The following EZR variants were observed in gnomAD, a reference collection of about 807,000 sequenced individuals.
EZR encodes the protein ezrin.
EZR carries 40 observed loss-of-function variants against 74.8 expected under a neutral mutation model. The observed-to-expected ratio is 0.53, with a 90% CI of 0.42 to 0.70. The LOEUF is 0.70. EZR is among the 30% of genes least tolerant of loss of function. The pLI, the probability that EZR is intolerant of heterozygous loss-of-function variation, is 0.00. For synonymous variants in EZR, 341 were observed against 283.3 expected (o/e 1.20, Z -2.05); for missense variants, 678 against 755.8 (o/e 0.90, Z 1.21).
chr6:158,769,164 G>T (rs1791014974), intron 12 of EZR, among the ~76,000 whole-genome samples, 162 bp downstream of exon 12: 1 of 152,180 alleles, frequency 6.6e-6, no homozygotes, highest in Admixed American at 6.5e-5. Flanking sequence ...AGTACAGCTG[G>T]TATTGGCAGA....
intron 6 of EZR, 89 bp downstream of exon 6, chr6:158,784,555 C>A: frequency 1.7e-6 from 2 of 1,164,130 alleles, no homozygotes; most frequent in South Asian, 1.3e-5. Flanking sequence ...TGACACAGAG[C>A]CCTTTAAAGC....
chr6:158,817,407 T>C (rs963083276), intron 2 of EZR, among the ~76,000 whole-genome samples: 2 of 152,198 alleles, frequency 1.3e-5, no homozygotes, highest in Non-Finnish European at 2.9e-5. Context: ...GGCACAGCCC[T>C]TTCATCAGCT....
At chr6:158,798,065 G>C (rs1777109868) in intron 2 of EZR, among the ~76,000 whole-genome samples, 1 of 152,202 alleles carries the variant, frequency 6.6e-6, no homozygotes, top group African/African-American at 2.4e-5. Context: ...ATTTCAGAGA[G>C]ACAGAATTTT....
At chr6:158,804,265 A>T (rs1777280117) in intron 2 of EZR, among the ~76,000 whole-genome samples, 1 of 152,206 alleles carries the variant, frequency 6.6e-6, no homozygotes, top group South Asian at 2.1e-4. Context: ...CTTAGACACC[A>T]CTTTCCCCTA....
At chr6:158,796,395 G>A (rs1310049850) in intron 2 of EZR, among the ~76,000 whole-genome samples, 1 of 152,248 alleles carries the variant, frequency 6.6e-6, no homozygotes, top group Non-Finnish European at 1.5e-5. Context: ...ATTCCCTGGA[G>A]CACCTGAGCC....
chr6:158,785,123 G>A (rs1791537900), intron 5 of EZR, among the ~76,000 whole-genome samples, 186 bp downstream of exon 5: 1 of 152,232 alleles, frequency 6.6e-6, no homozygotes, highest in African/African-American at 2.4e-5. Context: ...GTTTCCATGA[G>A]GAATGGCAGC....
intron 2 of EZR, among the ~76,000 whole-genome samples, chr6:158,811,668 C>A (rs994038922): frequency 6.6e-6 from 1 of 152,016 alleles, no homozygotes; most frequent in Non-Finnish European, 1.5e-5. Flanking sequence ...TGAGACTAGC[C>A]GCCTGGGCCA....
intron 2 of EZR, among the ~76,000 whole-genome samples, chr6:158,807,089 G>C (rs1473826870): frequency 6.6e-6 from 1 of 152,092 alleles, no homozygotes. Flanking sequence ...GAGGCGGGCG[G>C]ATCATGAGGT....
chr6:158,783,526 T>A lies in EZR; in HGVS notation c.692A>T (p.Asp231Val). Residue 231 changes from aspartate to valine, a missense_variant, in exon 7 of 14, where the codon GAT becomes GTT. Asp to Val is a radical substitution (Grantham distance 152, BLOSUM62 -3). This residue lies in a region of EZR where 119 missense variants were observed against 182.3 expected (regional missense o/e 0.65). Transcript: ENST00000367075. ...DALGLNIYEK[D>V]DKLTPKIGFP... ...ACTGTGAACTTCAACTCACTTATCA[T>A]CTTTCTCATAAATATTCAGTCCAAG... The A allele has an allele frequency of 6.2e-7, 1 of 1,612,210 alleles. No individual in the cohort carries two copies. Among genetic ancestry groups the A allele is most frequent in the South Asian group, 1.1e-5 (1 of 90,952 alleles).
chr6:158,807,525 A>C (rs1209984991), intron 2 of EZR, among the ~76,000 whole-genome samples: 3 of 152,202 alleles, frequency 2.0e-5, no homozygotes, highest in Non-Finnish European at 4.4e-5. Context: ...CAAGTTCTTG[A>C]AGAAAGACCA....
At chr6:158,817,736 G>A (rs1023332973) in intron 2 of EZR, among the ~76,000 whole-genome samples, 2 of 152,156 alleles carry the variant, frequency 1.3e-5, no homozygotes, top group African/African-American at 4.8e-5. Context: ...GTCTCCCTGT[G>A]ATTTGGACTT....
At chr6:158,812,255 G>T (rs552877640) in intron 2 of EZR, among the ~76,000 whole-genome samples, 8 of 152,332 alleles carry the variant, frequency 5.3e-5, no homozygotes, top group Non-Finnish European at 1.2e-4. Context: ...CTGTAAGGCG[G>T]CTGGGCATCA....
At position 158,784,637 on chromosome 6, in the gene EZR, C is replaced by T. The variant is rs770478466; in HGVS notation, c.551+7G>A. The T allele has an allele frequency of 6.2e-7, 1 of 1,613,180 alleles. No homozygotes were observed. The highest frequency in any genetic ancestry group is 1.1e-5 in the South Asian group (1 of 91,066). ...GCAAGATCCCAACAGCAGGGCACAG[C>T]ACTCACTTGAGCATCCCACGGTGTT... On this transcript the variant is annotated splice_region_variant and intron_variant, in intron 6 of 13. Coordinates refer to ENST00000367075, the MANE Select transcript of EZR (RefSeq NM_001111077.2).
intron 2 of EZR, among the ~76,000 whole-genome samples, chr6:158,807,840 C>A (rs1465333168): frequency 6.6e-6 from 1 of 152,124 alleles, no homozygotes; most frequent in Admixed American, 6.5e-5. Flanking sequence ...AAACAGAAAG[C>A]CCATTTTATT....
In EZR at chr6:158,769,872, C is replaced by T. The variant is rs571220845; in HGVS notation, c.1163G>A (p.Arg388His). ...TGCAGCCATACGGTCAGCCTCTAGG[C>T]GCTCGGCCTCCTCCTGTGCCCGCTT... The part of the protein sequence containing the change: ...ERKRAQEEAE[R>H]LEADRMAALR... Residue 388 changes from arginine to histidine, a missense_variant, in exon 11 of 14, where the codon CGC (arginine) becomes CAC (histidine). By Grantham distance (29) the Arg-to-His change is conservative. Around this residue, in one of 3 missense-constraint regions of EZR, gnomAD observed 342 missense variants for 341.2 expected, o/e 1.00. Transcript: ENST00000367075. 4.6e-5 allele frequency: 74 copies of T among 1,613,760 alleles called. No individual in the cohort carries two copies. The highest frequency in any genetic ancestry group is 1.7e-4 in the Middle Eastern group (1 of 6,060).
At chr6:158,805,337 G>GAAAAAAAAAAAAAAAAAAAA (rs56269785) in intron 2 of EZR, among the ~76,000 whole-genome samples, 1 of 116,892 alleles carries the variant, frequency 8.6e-6, no homozygotes, top group Non-Finnish European at 1.7e-5. Flanking sequence ...TCCATCTCAG[G>GAAAAAAAAAAAAAAAAAAAA]AAAAAAAAAA....
In EZR at chr6:158,785,854, T is replaced by C. The variant is rs368388005; in HGVS notation, c.193-271A>G. Among the ~76,000 whole-genome samples, 24 of 151,866 alleles carry C rather than the reference T, an allele frequency of 1.6e-4. No individual in the cohort carries two copies. In the East Asian group the frequency reaches 4.3e-3, roughly 27 times the overall value. ...TGAGCCCAGGAGTTTAAGACCAGCC[T>C]GGGCAACGTAGAAGAGATCCCATCT... On this transcript the variant is annotated intron_variant, in intron 4 of 13. Transcript: ENST00000367075.
chr6:158,772,313 C>T (rs1201269347), intron 8 of EZR, among the ~76,000 whole-genome samples: 1 of 152,278 alleles, frequency 6.6e-6, no homozygotes, highest in Admixed American at 6.5e-5. Flanking sequence ...GCGAGCTCCA[C>T]AGCCTTGAGC....
chr6:158,788,872 C>T (rs1187903428), intron 3 of EZR, among the ~76,000 whole-genome samples: 2 of 152,172 alleles, frequency 1.3e-5, no homozygotes, highest in African/African-American at 4.8e-5. Flanking sequence ...CTAAGGCTCA[C>T]TCATCCACGC....
Sources: allele counts gnomAD v4.1 joint callset (sites outside exome capture counted in the v4.1 genomes callset), GRCh38; gene constraint gnomAD v4.1.1; regional missense constraint gnomAD v4.1.1; transcripts MANE v1.5; gene names NCBI Gene and HGNC (gene_info 2026-07-23, HGNC 2026-07-21).